The following CHCHD6 variants were observed in gnomAD, a reference collection of about 807,000 sequenced individuals.
CHCHD6 encodes the protein MICOS complex subunit MIC25.
CHCHD6 carries 28 observed loss-of-function variants against 32.3 expected under a neutral mutation model. The ratio of observed to expected loss-of-function variants is 0.87; its 90% CI spans 0.64 to 1.19. The LOEUF is 1.19. Ranked by LOEUF, CHCHD6 falls within the 50% of genes most tolerant of loss-of-function variation. The probability of loss-of-function intolerance (pLI) is 0.00; values close to 1 mark genes in which losing one functional copy is unlikely to be tolerated. For synonymous variants in CHCHD6, 122 were observed against 117.5 expected (o/e 1.04, Z -0.25); for missense variants, 333 against 307.0 (o/e 1.08, Z -0.63).
chr3:126,829,262 A>G (rs1287858103), intron 4 of CHCHD6, among the ~76,000 whole-genome samples: 1 of 152,016 alleles, frequency 6.6e-6, no homozygotes, highest in Non-Finnish European at 1.5e-5. Context: ...CTCACTCTCC[A>G]GATGCTGCAC....
intron 4 of CHCHD6, among the ~76,000 whole-genome samples, chr3:126,772,130 C>A (rs1247136603): frequency 6.6e-6 from 1 of 152,108 alleles, no homozygotes; most frequent in Non-Finnish European, 1.5e-5. Flanking sequence ...GAGATAGAGT[C>A]TTGCTTTGTC....
chr3:126,743,911 G>A (rs1936388211), intron 4 of CHCHD6, among the ~76,000 whole-genome samples: 1 of 152,170 alleles, frequency 6.6e-6, no homozygotes, highest in East Asian at 1.9e-4. Flanking sequence ...TTGGATCGGT[G>A]CCATCCCTCC....
At chr3:126,876,691 C>T (rs1035720617) in intron 5 of CHCHD6, among the ~76,000 whole-genome samples, 19 of 152,140 alleles carry the variant, frequency 1.2e-4, no homozygotes, top group African/African-American at 3.9e-4. Flanking sequence ...GGAAAGTGAA[C>T]GAATGTGTGA....
chr3:126,862,132 C>T (rs1416727768), intron 5 of CHCHD6, among the ~76,000 whole-genome samples: 6 of 51,648 alleles, frequency 1.2e-4, no homozygotes, highest in Admixed American at 1.9e-4. Flanking sequence ...CACCACCTCC[C>T]CCTCCTCCAC....
At chr3:126,792,255 A>AC (rs1205212389) in intron 4 of CHCHD6, among the ~76,000 whole-genome samples, 21 of 145,214 alleles carry the variant, frequency 1.4e-4, no homozygotes, top group Admixed American at 4.2e-4. Flanking sequence ...TAGAATATAT[A>AC]TTCTAATATA....
At chr3:126,733,304 A>C (rs1559811426) in intron 4 of CHCHD6, 82 bp downstream of exon 4, 10 of 1,357,758 alleles carry the variant, frequency 7.4e-6, no homozygotes, top group Non-Finnish European at 9.2e-6. Flanking sequence ...GCACCTGGTT[A>C]GTCTGAAGCC....
intron 4 of CHCHD6, among the ~76,000 whole-genome samples, chr3:126,734,095 T>A (rs945981957): frequency 6.6e-6 from 1 of 152,202 alleles, no homozygotes; most frequent in Non-Finnish European, 1.5e-5. Context: ...CAGGGATAAC[T>A]TTCCTAGAAG....
At chr3:126,807,807 A>G (rs1330276109) in intron 4 of CHCHD6, among the ~76,000 whole-genome samples, 4 of 152,178 alleles carry the variant, frequency 2.6e-5, no homozygotes, top group African/African-American at 9.7e-5. Context: ...TTACTCCAAA[A>G]CTTAGTGGCT....
chr3:126,787,603 C>G (rs1938283425), intron 4 of CHCHD6, among the ~76,000 whole-genome samples: 1 of 152,144 alleles, frequency 6.6e-6, no homozygotes, highest in Admixed American at 6.6e-5. Flanking sequence ...AATGGTAGTT[C>G]ACTCATGATT....
At chr3:126,801,358 C>G (rs538937732) in intron 4 of CHCHD6, among the ~76,000 whole-genome samples, 3 of 152,196 alleles carry the variant, frequency 2.0e-5, no homozygotes, top group African/African-American at 7.2e-5. Flanking sequence ...CACTCCCACC[C>G]GATACTGCAC....
chr3:126,736,094 G>A (rs1936032268), intron 4 of CHCHD6, among the ~76,000 whole-genome samples: 1 of 152,220 alleles, frequency 6.6e-6, no homozygotes, highest in East Asian at 1.9e-4. Context: ...TGGTTGGGGA[G>A]TGCTTTTAGT....
At chr3:126,742,714 C>T (rs1936333336) in intron 4 of CHCHD6, among the ~76,000 whole-genome samples, 1 of 152,150 alleles carries the variant, frequency 6.6e-6, no homozygotes, top group African/African-American at 2.4e-5. Context: ...CCATGCACCA[C>T]CTCAGGACTT....
At chr3:126,813,046 G>A (rs1288904268) in intron 4 of CHCHD6, among the ~76,000 whole-genome samples, 5 of 152,256 alleles carry the variant, frequency 3.3e-5, no homozygotes, top group South Asian at 2.1e-4. Flanking sequence ...ATAGTGCTGC[G>A]GAAGGATATG....
At chr3:126,718,893 A>G (rs1935148441) in intron 1 of CHCHD6, among the ~76,000 whole-genome samples, 1 of 152,204 alleles carries the variant, frequency 6.6e-6, no homozygotes, top group Non-Finnish European at 1.5e-5. Flanking sequence ...GATTAAAAAT[A>G]TTACTTGCTG....
chr3:126,779,120 A>T (rs754104900), intron 4 of CHCHD6, among the ~76,000 whole-genome samples: 4 of 152,038 alleles, frequency 2.6e-5, no homozygotes, highest in Admixed American at 6.6e-5. Flanking sequence ...AAGTTTTGGG[A>T]TTATAGGCAT....
chr3:126,803,361 T>C (rs1576435478), intron 4 of CHCHD6, among the ~76,000 whole-genome samples: 5 of 152,050 alleles, frequency 3.3e-5, no homozygotes, highest in African/African-American at 1.2e-4. Context: ...AATAAAGGGA[T>C]GGAGGAAGAT....
chr3:126,743,479 G>A (rs1576362994), intron 4 of CHCHD6, among the ~76,000 whole-genome samples: 1 of 152,172 alleles, frequency 6.6e-6, no homozygotes, highest in African/African-American at 2.4e-5. Context: ...GGCTGATTGC[G>A]GTTCCATTCC....
At chr3:126,806,942 G>T (rs1013120970) in intron 4 of CHCHD6, among the ~76,000 whole-genome samples, 1 of 150,276 alleles carries the variant, frequency 6.7e-6, no homozygotes, top group African/African-American at 2.5e-5. Flanking sequence ...GTAAGCTATC[G>T]CAAGGACAAA....
chr3:126,772,236 G>A (rs1351667383), intron 4 of CHCHD6, among the ~76,000 whole-genome samples: 1 of 152,150 alleles, frequency 6.6e-6, no homozygotes, highest in African/African-American at 2.4e-5. Flanking sequence ...CGAGTAGCTG[G>A]GACTACAGGT....
Sources: allele counts gnomAD v4.1 joint callset (sites outside exome capture counted in the v4.1 genomes callset), GRCh38; gene constraint gnomAD v4.1.1; transcripts MANE v1.5; gene names NCBI Gene and HGNC (gene_info 2026-07-23, HGNC 2026-07-21).